Variants in DCAF8L2 observed in about 807,000 individuals in gnomAD.
The protein encoded by DCAF8L2 is DDB1- and CUL4-associated factor 8-like protein 2.
For synonymous variants in DCAF8L2, 200 were observed against 190.9 expected (o/e 1.05, Z -0.39); for missense variants, 430 against 490.7 (o/e 0.88, Z 1.17).
intron 1 of DCAF8L2, among the ~76,000 whole-genome samples, chrX:27,629,893 C>A (rs981280041): frequency 8.9e-6 from 1 of 111,748 alleles, no homozygotes; most frequent in African/African-American, 3.2e-5. Flanking sequence ...CTGTAGGCCA[C>A]TGGGTAGTAT....
At chrX:27,708,710 A>G (rs1931423265) in intron 3 of DCAF8L2, among the ~76,000 whole-genome samples, 1 of 112,213 alleles carries the variant, frequency 8.9e-6, no homozygotes, top group Non-Finnish European at 1.9e-5. Flanking sequence ...AAGAATTTTC[A>G]GGTTAAACCC....
chrX:27,489,129 G>A, the DCAF8L2 span, among the ~76,000 whole-genome samples: 4 of 110,448 alleles, frequency 3.6e-5, no homozygotes, highest in South Asian at 3.9e-4. Flanking sequence ...ACAGAGTCTC[G>A]TTCTGTCGCC....
chrX:27,476,340 A>G, the DCAF8L2 span, among the ~76,000 whole-genome samples: 1 of 111,628 alleles, frequency 9.0e-6, no homozygotes, highest in African/African-American at 3.2e-5. Flanking sequence ...CAGTAAGGAT[A>G]AGGAGAAGTT....
At chrX:27,696,268 G>GAGAGAGAAAGAAAGAA (rs1199823523) in intron 3 of DCAF8L2, among the ~76,000 whole-genome samples, 10 of 74,849 alleles carry the variant, frequency 1.3e-4, no homozygotes, top group Non-Finnish European at 2.5e-4. Flanking sequence ...AAGAGAGAGA[G>GAGAGAGAAAGAAAGAA]AGAAAGAAAG....
chrX:27,659,517 C>T (rs1001563617), intron 2 of DCAF8L2, among the ~76,000 whole-genome samples: 2 of 111,789 alleles, frequency 1.8e-5, no homozygotes, highest in Admixed American at 1.9e-4. Context: ...GGGAAACTCG[C>T]TTATGTCTTG....
chrX:27,482,315 T>C, the DCAF8L2 span, among the ~76,000 whole-genome samples: 1 of 111,750 alleles, frequency 8.9e-6, no homozygotes, highest in Non-Finnish European at 1.9e-5. Flanking sequence ...TTTTTTTACA[T>C]TTTAGAGGTA....
intron 2 of DCAF8L2, among the ~76,000 whole-genome samples, chrX:27,640,463 C>A (rs1928672038): frequency 8.9e-6 from 1 of 112,121 alleles, no homozygotes; most frequent in Admixed American, 9.5e-5. Context: ...AGCAGCATTT[C>A]ACTGTATGGA....
the DCAF8L2 span, among the ~76,000 whole-genome samples, chrX:27,530,332 T>A: frequency 1.4e-4 from 16 of 110,386 alleles, no homozygotes; most frequent in South Asian, 5.9e-3. Flanking sequence ...AATGCATAAA[T>A]GATTGCTGTA....
At chrX:27,594,247 G>T (rs376419366) in intron 1 of DCAF8L2, among the ~76,000 whole-genome samples, 2 of 111,300 alleles carry the variant, frequency 1.8e-5, no homozygotes, top group East Asian at 5.7e-4. Flanking sequence ...TACAAAATTG[G>T]CATAAAGGAT....
At chrX:27,589,651 C>T (rs1405893662), upstream of DCAF8L2, among the ~76,000 whole-genome samples, 1 of 111,303 alleles carries the variant, frequency 9.0e-6, no homozygotes, top group Non-Finnish European at 1.9e-5. Context: ...ATGATTTGCA[C>T]ATAAAAAAGG....
chrX:27,476,510 C>T, the DCAF8L2 span, among the ~76,000 whole-genome samples: 1 of 111,228 alleles, frequency 9.0e-6, no homozygotes, highest in South Asian at 3.8e-4. Context: ...GGGGGAAAGA[C>T]TAATTTAGTT....
intron 1 of DCAF8L2, among the ~76,000 whole-genome samples, chrX:27,616,565 T>C (rs186631917): frequency 9.0e-6 from 1 of 111,631 alleles, no homozygotes; most frequent in African/African-American, 3.2e-5. Context: ...TACAAAAGAA[T>C]GTGGACTTGG....
intron 1 of DCAF8L2, among the ~76,000 whole-genome samples, chrX:27,594,884 T>C (rs1926280645): frequency 8.9e-6 from 1 of 112,014 alleles, no homozygotes; most frequent in South Asian, 3.7e-4. Context: ...GCAATATTAT[T>C]ATAATTTACT....
the DCAF8L2 span, among the ~76,000 whole-genome samples, chrX:27,575,145 G>T: frequency 9.0e-6 from 1 of 111,683 alleles, no homozygotes; most frequent in Non-Finnish European, 1.9e-5. Context: ...TCCTCTGACT[G>T]CTCCAGCCAG....
the DCAF8L2 span, among the ~76,000 whole-genome samples, chrX:27,502,330 AAAAAAATATATATATATAT>A: frequency 8.6e-5 from 3 of 35,075 alleles, no homozygotes; most frequent in African/African-American, 2.5e-4. Flanking sequence ...AAAAAAAAAA[AAAAAAATATATATATATAT>A]ATATATATAT....
chrX:27,578,784 C>T, the DCAF8L2 span, among the ~76,000 whole-genome samples: 1 of 109,480 alleles, frequency 9.1e-6, no homozygotes, highest in African/African-American at 3.3e-5. Context: ...TTTATGTGAC[C>T]AACAAACGTA....
chrX:27,616,680 C>T (rs997113765), intron 1 of DCAF8L2, among the ~76,000 whole-genome samples: 2 of 111,120 alleles, frequency 1.8e-5, no homozygotes, highest in African/African-American at 3.3e-5. Context: ...TCTCTTAAGG[C>T]GGAAGGAATT....
chrX:27,618,617 TC>T (rs1212169861), intron 1 of DCAF8L2, among the ~76,000 whole-genome samples: 1 of 111,162 alleles, frequency 9.0e-6, no homozygotes, highest in Non-Finnish European at 1.9e-5. Flanking sequence ...CAAAAGATGT[TC>T]CTTACTCCAG....
chrX:27,731,384 G>A (rs1921198927), intron 4 of DCAF8L2, among the ~76,000 whole-genome samples: 1 of 111,361 alleles, frequency 9.0e-6, no homozygotes, highest in Non-Finnish European at 1.9e-5. Context: ...CTGGGCGACA[G>A]AGAAAGACTC....
Sources: allele counts gnomAD v4.1 joint callset (sites outside exome capture counted in the v4.1 genomes callset), GRCh38; gene constraint gnomAD v4.1.1; transcripts MANE v1.5; gene names NCBI Gene and HGNC (gene_info 2026-07-23, HGNC 2026-07-21).